Variants in USP45 observed in about 807,000 individuals in gnomAD.
USP45 encodes the protein ubiquitin specific peptidase 45, also known as ubiquitin carboxyl-terminal hydrolase 45.
Under a neutral mutation model 95.8 loss-of-function variants are expected in USP45, and 89 were observed. The ratio of observed to expected loss-of-function variants is 0.93; its 90% CI spans 0.78 to 1.11. The LOEUF is 1.11. USP45 is among the 50% of genes least tolerant of loss of function. USP45 has a pLI of 0.00. For missense variants in USP45, 898 were observed against 942.5 expected, an observed-to-expected ratio of 0.95 and a Z score of 0.62; for synonymous variants, 281 against 316.2, an observed-to-expected ratio of 0.89 and a Z score of 1.18.
chr6:99,499,256 T>C (rs1379372334), intron 5 of USP45, among the ~76,000 whole-genome samples: 1 of 152,188 alleles, frequency 6.6e-6, no homozygotes, highest in Non-Finnish European at 1.5e-5. Flanking sequence ...AAAATAACCT[T>C]TTAAAATCAT....
intron 9 of USP45, among the ~76,000 whole-genome samples, chr6:99,474,599 A>G (rs576161009): frequency 8.5e-5 from 13 of 152,282 alleles, no homozygotes; most frequent in African/African-American, 2.2e-4. Flanking sequence ...ACATATTACC[A>G]TATAGATTAA....
intron 4 of USP45, among the ~76,000 whole-genome samples, chr6:99,505,888 G>C (rs1481781958): frequency 6.6e-6 from 1 of 152,134 alleles, no homozygotes; most frequent in African/African-American, 2.4e-5. Context: ...AGATTCTGAT[G>C]CACCTAGAGT....
intron 3 of USP45, among the ~76,000 whole-genome samples, chr6:99,508,257 A>G (rs1798974937): frequency 6.6e-6 from 1 of 152,222 alleles, no homozygotes; most frequent in Non-Finnish European, 1.5e-5. Context: ...ATTTTAAATT[A>G]CTTTGCAAAA....
At chr6:99,509,395 T>C (rs905926788) in intron 2 of USP45, among the ~76,000 whole-genome samples, 6 of 152,116 alleles carry the variant, frequency 3.9e-5, no homozygotes, top group Non-Finnish European at 7.4e-5. Flanking sequence ...TCAGAAGACA[T>C]AGGCACTCAT....
At position 99,446,117 on chromosome 6, in the gene USP45, T is replaced by C. The variant is rs767837741; in HGVS notation, c.1655A>G (p.Asp552Gly). The C allele has an allele frequency of 1.2e-6, 2 of 1,614,138 alleles. No homozygotes were observed. The highest frequency in any genetic ancestry group is 2.2e-5 in the South Asian group (2 of 91,088). Residue 552 changes from aspartate to glycine, a missense_variant, in exon 14 of 18, where the codon GAT (aspartate) becomes GGT (glycine). Asp to Gly is a moderately conservative substitution (Grantham distance 94). Coordinates refer to ENST00000500704, the MANE Select transcript of USP45 (RefSeq NM_001346022.3). ...AGAAATAGCTTCTGCCATTTCCTTA[T>C]CACCACTGTCAGTCTCCTTGGTGTA... ...LLYTKETDSG[D>G]KEMAEAISEL... is the part of the protein sequence containing the mutation.
chr6:99,466,561 C>T, intron 11 of USP45, 111 bp downstream of exon 11: 1 of 808,274 alleles, frequency 1.2e-6, no homozygotes, highest in Non-Finnish European at 2.0e-6. Context: ...ATTATGTAAT[C>T]ATCTGTCAAA....
intron 13 of USP45, among the ~76,000 whole-genome samples, chr6:99,453,796 T>C (rs1361153122): frequency 6.6e-6 from 1 of 151,886 alleles, no homozygotes; most frequent in Non-Finnish European, 1.5e-5. Flanking sequence ...CCATCTCTAC[T>C]AAAAATACAA....
chr6:99,466,531 T>TA (rs531246658), intron 11 of USP45, 141 bp downstream of exon 11: 4 of 667,910 alleles, frequency 6.0e-6, no homozygotes, highest in Non-Finnish European at 1.0e-5. Flanking sequence ...GTGTAGCGTA[T>TA]AAAAAGACTT....
intron 13 of USP45, chr6:99,462,705 C>T (rs755373735): frequency 5.3e-5 from 52 of 987,180 alleles, no homozygotes; most frequent in Non-Finnish European, 6.1e-5. Context: ...TCAGGCCCAG[C>T]GCTGTGGCTC....
At chr6:99,479,159 T>C (rs9483930) in intron 8 of USP45, among the ~76,000 whole-genome samples, 1 of 16,906 alleles carries the variant, frequency 5.9e-5, no homozygotes, top group African/African-American at 2.8e-4. Flanking sequence ...TATATATACA[T>C]ATATACACAC....
intron 13 of USP45, among the ~76,000 whole-genome samples, chr6:99,446,707 T>C (rs1279412207): frequency 6.6e-6 from 1 of 152,184 alleles, no homozygotes; most frequent in Non-Finnish European, 1.5e-5. Context: ...AATAGGACTT[T>C]TGTAGAACAG....
chr6:99,476,029 C>T, intron 9 of USP45, 114 bp downstream of exon 9: 1 of 847,318 alleles, frequency 1.2e-6, no homozygotes, highest in Admixed American at 2.6e-5. Context: ...GTTGGCTAGG[C>T]TGGTCTGAAA....
At chr6:99,509,405 T>C (rs770660365) in intron 2 of USP45, among the ~76,000 whole-genome samples, 6 of 152,128 alleles carry the variant, frequency 3.9e-5, no homozygotes, top group Admixed American at 1.3e-4. Flanking sequence ...TAGGCACTCA[T>C]ATGTGAGTGT....
chr6:99,514,004 T>C (rs1351285355), intron 1 of USP45, among the ~76,000 whole-genome samples: 1 of 152,162 alleles, frequency 6.6e-6, no homozygotes, highest in Non-Finnish European at 1.5e-5. Flanking sequence ...CACTAGGAAA[T>C]ATATCCTCGT....
chr6:99,438,489 ATATGT>A (rs1307675932), intron 16 of USP45, among the ~76,000 whole-genome samples: 2 of 152,220 alleles, frequency 1.3e-5, no homozygotes, highest in Non-Finnish European at 2.9e-5. Context: ...ACCTATATAA[ATATGT>A]TATGTAATTA....
chr6:99,461,463 A>G, intron 13 of USP45: 1 of 985,216 alleles, frequency 1.0e-6, no homozygotes, highest in Non-Finnish European at 1.2e-6. Flanking sequence ...TTTTTTCTGT[A>G]TTTAGGCCAG....
intron 8 of USP45, among the ~76,000 whole-genome samples, chr6:99,476,817 A>G (rs1365336262): frequency 6.6e-6 from 1 of 152,202 alleles, no homozygotes; most frequent in Non-Finnish European, 1.5e-5. Flanking sequence ...GAGTGTTTCT[A>G]TTTCATATAA....
intron 13 of USP45, among the ~76,000 whole-genome samples, chr6:99,448,704 A>T (rs1421316249): frequency 6.6e-6 from 1 of 152,196 alleles, no homozygotes; most frequent in Non-Finnish European, 1.5e-5. Flanking sequence ...TGAGAAGAGC[A>T]ACTCCAAAAC....
At chr6:99,472,930 C>G (rs917341818) in intron 9 of USP45, among the ~76,000 whole-genome samples, 27 of 152,046 alleles carry the variant, frequency 1.8e-4, no homozygotes, top group African/African-American at 4.8e-5. Flanking sequence ...GTTTGAAGCT[C>G]AACTCTAAGT....
Sources: allele counts gnomAD v4.1 joint callset (sites outside exome capture counted in the v4.1 genomes callset), GRCh38; gene constraint gnomAD v4.1.1; transcripts MANE v1.5; gene names NCBI Gene and HGNC (gene_info 2026-07-23, HGNC 2026-07-21).